KIT: variants seen among roughly 807,000 people sequenced by gnomAD.
The protein encoded by KIT is mast/stem cell growth factor receptor Kit.
Under a neutral mutation model 105.7 loss-of-function variants are expected in KIT, and 16 were observed. The ratio of observed to expected loss-of-function variants is 0.15; its 90% CI spans 0.10 to 0.23. KIT has a LOEUF of 0.23. Ranked by LOEUF, KIT falls within the 10% of genes least tolerant of loss-of-function variation. The pLI, the probability that KIT is intolerant of heterozygous loss-of-function variation, is 1.00. For synonymous variants in KIT, 438 were observed against 441.1 expected, an observed-to-expected ratio of 0.99 and a Z score of 0.09; for missense variants, 858 against 1,213.8, an observed-to-expected ratio of 0.71 and a Z score of 4.36.
At chr4:54,733,821 C>G (rs1466495699) in intron 17 of KIT, among the ~76,000 whole-genome samples, 1 of 152,118 alleles carries the variant, frequency 6.6e-6, no homozygotes, top group Non-Finnish European at 1.5e-5. Context: ...TCTGAGGTGA[C>G]ACAGGACAAT....
chr4:54,668,606 G>A (rs2109559825), intron 1 of KIT, among the ~76,000 whole-genome samples: 1 of 152,352 alleles, frequency 6.6e-6, no homozygotes, highest in South Asian at 2.1e-4. Context: ...AAGAGCTCTG[G>A]AAGTTAATGT....
Position 54,695,737 on chromosome 4 carries a change from C to G in KIT, c.293C>G (p.Thr98Ser). 1 of 1,614,240 alleles carries G rather than the reference C, an allele frequency of 6.2e-7. No homozygotes were observed. Among genetic ancestry groups the G allele is most frequent in the Non-Finnish European group, 8.5e-7 (1 of 1,180,056 alleles). The change falls in exon 2 of 21, where the codon ACC (threonine) becomes AGC (serine). Residue 98 changes from threonine (T) to serine (S), a missense_variant. By Grantham distance (58) the Thr-to-Ser change is moderately conservative. Transcript: ENST00000288135. ...EATNTGKYTC[T>S]NKHGLSNSIY... Reference sequence around the variant, plus strand: ...ACCAACACCGGCAAATACACGTGCACCAACAAACACGGCTTAAGCAATTCC... The same window carrying G: ...ACCAACACCGGCAAATACACGTGCAGCAACAAACACGGCTTAAGCAATTCC...
At chr4:54,723,755 C>A in intron 8 of KIT, 57 bp downstream of exon 8, 1 of 998,156 alleles carries the variant, frequency 1.0e-6, no homozygotes, top group Non-Finnish European at 1.6e-6. Flanking sequence ...CTGCAATTCA[C>A]TTGAATTTCA....
chr4:54,677,489 G>T (rs190985810), intron 1 of KIT, among the ~76,000 whole-genome samples: 1 of 152,286 alleles, frequency 6.6e-6, no homozygotes, highest in Admixed American at 6.5e-5. Flanking sequence ...TGGGTCAGAA[G>T]CCAGCAGCCT....
At chr4:54,676,041 G>A (rs1191562430) in intron 1 of KIT, among the ~76,000 whole-genome samples, 3 of 152,206 alleles carry the variant, frequency 2.0e-5, no homozygotes, top group African/African-American at 7.2e-5. Flanking sequence ...ATTTCTAGGT[G>A]TAAAAGCCAG....
Position 54,738,922 on chromosome 4 carries a change from G to A in KIT, c.*365G>A. ...TGAATAAATGGTAGTAATCACAGTT[G>A]GCCTTCAGAACCATCCATAGTAGTA... On this transcript the variant is annotated 3_prime_UTR_variant, in exon 21 of 21. Coordinates refer to ENST00000288135, the MANE Select transcript of KIT (RefSeq NM_000222.3). The A allele has an allele frequency of 1.7e-6, 1 of 589,728 alleles. No homozygotes were observed. Among genetic ancestry groups the A allele is most frequent in the Non-Finnish European group, 3.0e-6 (1 of 332,908 alleles). 36.5% of individuals were successfully genotyped at this position (589,728 alleles called of 1,614,324 possible). A position where few individuals can be genotyped will look rare whatever the true frequency, so the allele number is the denominator to read the frequency against.
At chr4:54,704,647 GAAT>G (rs1306627547) in intron 5 of KIT, among the ~76,000 whole-genome samples, 1 of 152,132 alleles carries the variant, frequency 6.6e-6, no homozygotes, top group Non-Finnish European at 1.5e-5. Context: ...GATTTACTGA[GAAT>G]AATAATAATT....
Position 54,698,443 on chromosome 4 carries a change from C to T in KIT, c.497C>T (p.Pro166Leu), listed in dbSNP as rs1720230405. Residue 166 changes from proline (P) to leucine (L), a missense_variant, in exon 3 of 21, where the codon CCC becomes CTC. Physicochemically the swap from Pro to Leu is moderately conservative, Grantham distance 98. This residue lies in a region of KIT where 401 missense variants were observed against 601.0 expected (regional missense o/e 0.67). Transcript: ENST00000288135. ...LPKDLRFIPD[P>L]KAGIMIKSVK... ...AAGGACTTGAGGTTTATTCCTGACC[C>T]CAAGGCGGGCATCATGATCAAAAGT... The T allele has an allele frequency of 6.2e-7, 1 of 1,614,166 alleles. No individual in the cohort carries two copies. The highest frequency in any genetic ancestry group is 8.5e-7 in the Non-Finnish European group (1 of 1,180,032).
At chr4:54,674,168 C>T (rs1432428972) in intron 1 of KIT, among the ~76,000 whole-genome samples, 4 of 152,292 alleles carry the variant, frequency 2.6e-5, no homozygotes, top group Admixed American at 6.5e-5. Context: ...CTTACCTGCC[C>T]AGACTTTCCC....
chr4:54,709,385 C>A, intron 6 of KIT, 39 bp from the exon 7 acceptor site: 1 of 1,247,746 alleles, frequency 8.0e-7, no homozygotes, highest in Non-Finnish European at 1.2e-6. Flanking sequence ...CCAAGGCATG[C>A]TATCCACAGG....
intron 17 of KIT, among the ~76,000 whole-genome samples, chr4:54,733,793 A>G (rs536513261): frequency 6.6e-6 from 1 of 152,306 alleles, no homozygotes; most frequent in African/African-American, 2.4e-5. Context: ...AAGGCATGGC[A>G]TATTTTAGTG....
At chr4:54,675,504 T>C (rs556378569) in intron 1 of KIT, among the ~76,000 whole-genome samples, 48 of 152,368 alleles carry the variant, frequency 3.2e-4, no homozygotes, top group Admixed American at 8.5e-4. Context: ...GCAAGCGTTC[T>C]GATGAATGTT....
chr4:54,736,647 CAG>C, intron 18 of KIT, 38 bp downstream of exon 18: 1 of 1,595,366 alleles, frequency 6.3e-7, no homozygotes, highest in Non-Finnish European at 8.6e-7. Flanking sequence ...TCATTAGACT[CAG>C]AGCATCTTCT....
intron 1 of KIT, among the ~76,000 whole-genome samples, chr4:54,693,317 C>T (rs1371318651): frequency 4.6e-5 from 7 of 152,212 alleles, no homozygotes; most frequent in Non-Finnish European, 8.8e-5. Flanking sequence ...TACTGCATTG[C>T]CTTCTTTGCC....
intron 1 of KIT, among the ~76,000 whole-genome samples, chr4:54,682,378 G>A (rs780049315): frequency 1.3e-5 from 2 of 151,970 alleles, no homozygotes; most frequent in South Asian, 2.1e-4. Context: ...ATGGGCCACC[G>A]TGCCTGGCCC....
At chr4:54,686,839 C>T (rs1300335868) in intron 1 of KIT, among the ~76,000 whole-genome samples, 2 of 152,234 alleles carry the variant, frequency 1.3e-5, no homozygotes, top group Non-Finnish European at 2.9e-5. Context: ...GCCACCACTC[C>T]TGGCCCTGAG....
chr4:54,734,519 T>C (rs750479412), intron 17 of KIT, among the ~76,000 whole-genome samples: 1 of 152,212 alleles, frequency 6.6e-6, no homozygotes, highest in South Asian at 2.1e-4. Flanking sequence ...TTAGTGACCT[T>C]AGTTTGAAAT....
intron 7 of KIT, among the ~76,000 whole-genome samples, chr4:54,710,197 G>A (rs537005372): frequency 6.6e-6 from 1 of 152,304 alleles, no homozygotes; most frequent in Non-Finnish European, 1.5e-5. Flanking sequence ...GGCCAAGGGA[G>A]CCCGATCATG....
Position 54,739,512 on chromosome 4 carries a change from G to A in KIT, c.*955G>A, listed in dbSNP as rs1723128492. 4.3e-6 allele frequency: 1 copy of A among 233,544 alleles called. No homozygotes were observed. Among genetic ancestry groups the A allele is most frequent in the East Asian group, 6.0e-5 (1 of 16,570 alleles). The allele number at this position is 233,544 out of a possible 1,614,324, so 14.5% of individuals were successfully genotyped here. A position where few individuals can be genotyped will look rare whatever the true frequency, so the allele number is the denominator to read the frequency against. ...CATTGTACTCAATGGATTTGATGCT[G>A]TTTGACAAAGTTACTGATTCACTGC... is the stretch of plus-strand genomic sequence containing the variant. On this transcript the variant is annotated 3_prime_UTR_variant, in exon 21 of 21. Coordinates refer to ENST00000288135, the MANE Select transcript of KIT (RefSeq NM_000222.3).
Sources: allele counts gnomAD v4.1 joint callset (sites outside exome capture counted in the v4.1 genomes callset), GRCh38; gene constraint gnomAD v4.1.1; regional missense constraint gnomAD v4.1.1; transcripts MANE v1.5; gene names NCBI Gene and HGNC (gene_info 2026-07-23, HGNC 2026-07-21).